SLC41A2: variants seen among roughly 807,000 people sequenced by gnomAD.
The protein encoded by SLC41A2 is solute carrier family 41 member 2, also known as SLC41A1-like 1.
In SLC41A2, 32 loss-of-function variants were observed where a neutral mutation model predicts 58.3. The ratio of observed to expected loss-of-function variants is 0.55; its 90% CI spans 0.41 to 0.74. The LOEUF (loss-of-function observed/expected upper bound fraction) is 0.74. Ranked by LOEUF, SLC41A2 falls within the 30% of genes least tolerant of loss-of-function variation. The pLI is 0.00. For missense variants in SLC41A2, 514 were observed against 680.6 expected, an observed-to-expected ratio of 0.76 and a Z score of 2.72; for synonymous variants, 190 against 235.0, an observed-to-expected ratio of 0.81 and a Z score of 1.75.
intron 3 of SLC41A2, among the ~76,000 whole-genome samples, chr12:104,898,964 CTG>C: frequency 6.6e-6 from 1 of 152,138 alleles, no homozygotes; most frequent in East Asian, 1.9e-4. Flanking sequence ...AGCCAGAACA[CTG>C]ACAATACCAA....
intron 2 of SLC41A2, among the ~76,000 whole-genome samples, chr12:104,914,863 T>C (rs750470813): frequency 9.2e-5 from 14 of 152,252 alleles, no homozygotes; most frequent in Non-Finnish European, 1.8e-4. Flanking sequence ...TTATTAGCTG[T>C]AAGACCAGGA....
chr12:104,841,098 T>TGA, intron 10 of SLC41A2, among the ~76,000 whole-genome samples: 1 of 152,120 alleles, frequency 6.6e-6, no homozygotes, highest in African/African-American at 2.4e-5. Flanking sequence ...CATCACTCAG[T>TGA]TTCATCTATT....
At chr12:104,915,276 T>TA (rs1281623159) in intron 2 of SLC41A2, among the ~76,000 whole-genome samples, 4 of 152,212 alleles carry the variant, frequency 2.6e-5, no homozygotes, top group East Asian at 3.8e-4. Context: ...GTTATGCAGT[T>TA]AAAAAAACAC....
intron 10 of SLC41A2, among the ~76,000 whole-genome samples, chr12:104,806,421 T>C (rs187098557): frequency 6.6e-6 from 1 of 152,202 alleles, no homozygotes; most frequent in African/African-American, 2.4e-5. Context: ...TGCATAGTAT[T>C]CCATGGTGTA....
At chr12:104,935,174 G>T (rs1393799114) in intron 1 of SLC41A2, among the ~76,000 whole-genome samples, 1 of 151,110 alleles carries the variant, frequency 6.6e-6, no homozygotes, top group African/African-American at 2.4e-5. Context: ...AGCCAGGCTG[G>T]TCTCAAACTC....
intron 1 of SLC41A2, among the ~76,000 whole-genome samples, chr12:104,946,138 G>A (rs959630568): frequency 2.6e-5 from 4 of 152,098 alleles, no homozygotes; most frequent in Non-Finnish European, 4.4e-5. Context: ...ATTATTCCCA[G>A]GGATTGAGAA....
chr12:104,916,207 T>A (rs1489860762), intron 2 of SLC41A2, among the ~76,000 whole-genome samples: 1 of 152,220 alleles, frequency 6.6e-6, no homozygotes, highest in Non-Finnish European at 1.5e-5. Flanking sequence ...TCAATGTTCA[T>A]CAAAGATATT....
chr12:104,935,043 C>T (rs914570189), intron 1 of SLC41A2, among the ~76,000 whole-genome samples: 2 of 152,132 alleles, frequency 1.3e-5, no homozygotes, highest in African/African-American at 4.8e-5. Context: ...CTGCAACCTC[C>T]GCCTCCCAGG....
At chr12:104,884,645 T>C (rs2044565762) in intron 6 of SLC41A2, among the ~76,000 whole-genome samples, 1 of 152,180 alleles carries the variant, frequency 6.6e-6, no homozygotes, top group Admixed American at 6.5e-5. Context: ...TTCTTCTCTC[T>C]TTCCTCCTCC....
chr12:104,901,324 A>G (rs1388634496), intron 3 of SLC41A2, among the ~76,000 whole-genome samples: 1 of 152,108 alleles, frequency 6.6e-6, no homozygotes, highest in Non-Finnish European at 1.5e-5. Flanking sequence ...GAATCACTGT[A>G]CTTGATTCAT....
At chr12:104,914,947 T>C (rs541849200) in intron 2 of SLC41A2, among the ~76,000 whole-genome samples, 17 of 152,342 alleles carry the variant, frequency 1.1e-4, no homozygotes, top group African/African-American at 3.8e-4. Flanking sequence ...CTGAAGCAGC[T>C]AGTGCCAAAA....
At chr12:104,841,013 A>C (rs992524675) in intron 10 of SLC41A2, among the ~76,000 whole-genome samples, 29 of 152,106 alleles carry the variant, frequency 1.9e-4, no homozygotes, top group Admixed American at 1.8e-3. Context: ...TATTTTAAAA[A>C]CTCCTTATTA....
intron 1 of SLC41A2, among the ~76,000 whole-genome samples, chr12:104,955,136 C>T (rs1214507070): frequency 6.6e-6 from 1 of 151,378 alleles, no homozygotes; most frequent in African/African-American, 2.4e-5. Flanking sequence ...CTGCCTCAGC[C>T]TTCTGAGAAG....
intron 5 of SLC41A2, among the ~76,000 whole-genome samples, chr12:104,886,761 C>T (rs185175394): frequency 9.6e-4 from 146 of 151,526 alleles, no homozygotes; most frequent in African/African-American, 3.2e-3. Flanking sequence ...GTATTGAATC[C>T]AAAGGTTTTA....
chr12:104,826,632 C>T (rs575800869), intron 10 of SLC41A2, among the ~76,000 whole-genome samples: 1 of 152,342 alleles, frequency 6.6e-6, no homozygotes, highest in Admixed American at 6.5e-5. Flanking sequence ...GCCCCAGTCT[C>T]ACTCTTGCCT....
chr12:104,953,248 C>T (rs1305379953), intron 1 of SLC41A2, among the ~76,000 whole-genome samples: 3 of 152,162 alleles, frequency 2.0e-5, no homozygotes, highest in African/African-American at 7.2e-5. Context: ...AATATACAGT[C>T]AGTTCATTTT....
At chr12:104,830,985 ATTG>A (rs1050022848) in intron 10 of SLC41A2, among the ~76,000 whole-genome samples, 12 of 152,168 alleles carry the variant, frequency 7.9e-5, no homozygotes, top group Non-Finnish European at 1.6e-4. Context: ...GATTTACTAT[ATTG>A]TTGTATAGAG....
chr12:104,935,650 C>G (rs1013049933), intron 1 of SLC41A2, among the ~76,000 whole-genome samples: 1 of 152,126 alleles, frequency 6.6e-6, no homozygotes, highest in South Asian at 2.1e-4. Context: ...ACACAAAGGC[C>G]ACTCTGACTA....
intron 1 of SLC41A2, among the ~76,000 whole-genome samples, chr12:104,948,157 A>T (rs1400088918): frequency 6.6e-6 from 1 of 152,194 alleles, no homozygotes; most frequent in South Asian, 2.1e-4. Context: ...GATCCCTAAA[A>T]ATTTTGCTTT....
Sources: allele counts gnomAD v4.1 joint callset (sites outside exome capture counted in the v4.1 genomes callset), GRCh38; gene constraint gnomAD v4.1.1; transcripts MANE v1.5; gene names NCBI Gene and HGNC (gene_info 2026-07-23, HGNC 2026-07-21).